The following ERICH6B variants were observed in gnomAD, a reference collection of about 807,000 sequenced individuals.
ERICH6B encodes the protein glutamate-rich protein 6B.
In ERICH6B, 69 loss-of-function variants were observed where a neutral mutation model predicts 80.0. That is an observed-to-expected ratio of 0.86 (90% CI 0.71 to 1.05). The LOEUF (loss-of-function observed/expected upper bound fraction) is 1.05, where lower values mean the gene tolerates loss of function less well. Among genes scored for constraint, ERICH6B ranks in the 50% least tolerant of loss-of-function variants. The pLI is 0.00. For missense variants in ERICH6B, 754 were observed against 796.1 expected, an observed-to-expected ratio of 0.95 and a Z score of 0.64; for synonymous variants, 283 against 291.9, an observed-to-expected ratio of 0.97 and a Z score of 0.31.
intron 2 of ERICH6B, among the ~76,000 whole-genome samples, chr13:45,602,448 G>T (rs1025089776): frequency 4.1e-4 from 63 of 152,164 alleles, no homozygotes; most frequent in African/African-American, 1.4e-3. Flanking sequence ...AGAAGTCCTC[G>T]GATTGAATCA....
At chr13:45,557,180 C>G (rs886513392) in intron 11 of ERICH6B, among the ~76,000 whole-genome samples, 2 of 152,150 alleles carry the variant, frequency 1.3e-5, no homozygotes, top group African/African-American at 4.8e-5. Flanking sequence ...TTGCATTTCC[C>G]TGATCACTAG....
chr13:45,544,898 G>C lies in ERICH6B; in HGVS notation c.1734C>G (p.Val578=). The C allele has an allele frequency of 6.4e-7, 1 of 1,551,738 alleles. No individual in the cohort carries two copies. Among genetic ancestry groups the C allele is most frequent in the Non-Finnish European group, 8.7e-7 (1 of 1,147,006 alleles). The stretch of plus-strand genomic sequence containing the variant: ...AGATGGGCTGGACAGGGGGTGCGTG[G>C]ACATGGATGTTCAGATTCCACCAGT... ...AWNWWNLNIH[V]HAPPVQPISL... The change falls in exon 14 of 15, where the codon GTC becomes GTG. Residue 578 remains valine, a synonymous_variant. Transcript: ENST00000298738.
At chr13:45,582,939 C>G (rs1332076171) in intron 5 of ERICH6B, among the ~76,000 whole-genome samples, 2 of 152,182 alleles carry the variant, frequency 1.3e-5, no homozygotes, top group Non-Finnish European at 2.9e-5. Context: ...TCATTTTGCT[C>G]TCAGTATTTA....
At chr13:45,601,321 C>T (rs961761628) in intron 2 of ERICH6B, among the ~76,000 whole-genome samples, 2 of 152,108 alleles carry the variant, frequency 1.3e-5, no homozygotes, top group East Asian at 1.9e-4. Context: ...GAGGCTGAAG[C>T]GGGAAGGATC....
At chr13:45,577,502 T>C (rs935856571) in intron 7 of ERICH6B, among the ~76,000 whole-genome samples, 4 of 152,102 alleles carry the variant, frequency 2.6e-5, no homozygotes, top group African/African-American at 9.7e-5. Context: ...CAGGATGCTC[T>C]CTACCTCTTG....
chr13:45,608,511 G>C (rs188392464), intron 1 of ERICH6B, among the ~76,000 whole-genome samples: 1 of 152,180 alleles, frequency 6.6e-6, no homozygotes, highest in African/African-American at 2.4e-5. Context: ...ACTGCCTTGA[G>C]AGAGAAATAC....
chr13:45,608,941 A>G (rs372897694), intron 1 of ERICH6B, among the ~76,000 whole-genome samples: 22 of 152,300 alleles, frequency 1.4e-4, no homozygotes, highest in African/African-American at 4.8e-4. Flanking sequence ...GGAGTCACCC[A>G]TGATTCCTCT....
chr13:45,583,776 T>C (rs3014926), intron 5 of ERICH6B, among the ~76,000 whole-genome samples: 75,667 of 152,042 alleles, frequency 0.5, 19,024 homozygotes, highest in Middle Eastern at 0.63. Context: ...CCATGTAAGA[T>C]GTGCCTTTCC....
chr13:45,577,274 A>ACCTTTTTT (rs1566295865), intron 7 of ERICH6B, among the ~76,000 whole-genome samples: 2 of 110,792 alleles, frequency 1.8e-5, no homozygotes, highest in African/African-American at 8.0e-5. Flanking sequence ...TTAAAAACAA[A>ACCTTTTTT]TCTTTTTTTT....
chr13:45,558,576 A>G (rs1874532442), intron 11 of ERICH6B, among the ~76,000 whole-genome samples: 1 of 152,218 alleles, frequency 6.6e-6, no homozygotes. Flanking sequence ...GATTTGTCAT[A>G]GATGGCTTTT....
chr13:45,552,662 A>G (rs530602559), intron 11 of ERICH6B, among the ~76,000 whole-genome samples: 6 of 152,138 alleles, frequency 3.9e-5, no homozygotes, highest in South Asian at 4.2e-4. Context: ...TAAGGCCTCA[A>G]AAAATATTGC....
chr13:45,575,540 A>G (rs929206939), intron 7 of ERICH6B, among the ~76,000 whole-genome samples: 3 of 152,000 alleles, frequency 2.0e-5, no homozygotes. Flanking sequence ...TCCGAGGGAG[A>G]CTCATTCCGA....
chr13:45,585,038 C>T (rs892648737), intron 5 of ERICH6B, among the ~76,000 whole-genome samples: 4 of 152,154 alleles, frequency 2.6e-5, no homozygotes, highest in Non-Finnish European at 4.4e-5. Flanking sequence ...TGTGGCCAGC[C>T]TGTGTTTTAC....
intron 14 of ERICH6B, among the ~76,000 whole-genome samples, chr13:45,542,277 T>C (rs1253361749): frequency 6.6e-5 from 10 of 152,200 alleles, no homozygotes; most frequent in Non-Finnish European, 1.5e-4. Flanking sequence ...CACAATATTG[T>C]TATTATTTTA....
intron 11 of ERICH6B, among the ~76,000 whole-genome samples, chr13:45,554,553 T>G (rs75779100): frequency 0.018 from 2,763 of 152,334 alleles, 78 homozygotes; most frequent in African/African-American, 0.063. Context: ...TCACTTGTCA[T>G]GTAATGAAAT....
chr13:45,541,678 A>G lies in ERICH6B; in HGVS notation c.1875T>C (p.Phe625=), dbSNP rs1327785954. The change falls in exon 15 of 15, where the codon TTT becomes TTC. Residue 625 remains phenylalanine, a splice_region_variant and synonymous_variant. Transcript: ENST00000298738. Reference sequence around the variant, plus strand: ...TTTCGCTCAGCACCTCTGGGATCACAAACTGTGGGGATTCACAGAGGACTG... The same window carrying G: ...TTTCGCTCAGCACCTCTGGGATCACGAACTGTGGGGATTCACAGAGGACTG... The part of the protein sequence containing the change: ...ICLNLGTRYK[F]VIPEVLSEMK... 4 of 1,549,908 alleles carry G rather than the reference A, an allele frequency of 2.6e-6. No individual in the cohort carries two copies. Among genetic ancestry groups the G allele is most frequent in the African/African-American group, 2.7e-5 (2 of 72,970 alleles).
At chr13:45,565,738 CTT>C (rs2137981622) in intron 9 of ERICH6B, among the ~76,000 whole-genome samples, 1 of 152,322 alleles carries the variant, frequency 6.6e-6, no homozygotes, top group South Asian at 2.1e-4. Context: ...CACTAAATCT[CTT>C]TCTTTTGTAA....
intron 13 of ERICH6B, 128 bp downstream of exon 13, chr13:45,549,765 G>T: frequency 9.4e-7 from 1 of 1,062,624 alleles, no homozygotes. Flanking sequence ...CCATCATGGT[G>T]CTCATTCTCC....
intron 2 of ERICH6B, among the ~76,000 whole-genome samples, chr13:45,604,373 G>A (rs1593328175): frequency 6.6e-6 from 1 of 152,142 alleles, no homozygotes; most frequent in Non-Finnish European, 1.5e-5. Context: ...AGAAAGCCCC[G>A]GGGATGCTGC....
Sources: gnomAD v4.1 joint callset for allele counts (sites outside exome capture counted in the v4.1 genomes callset) on GRCh38, gnomAD v4.1.1 for gene constraint, MANE v1.5 for transcripts, NCBI Gene and HGNC (gene_info 2026-07-23, HGNC 2026-07-21) for gene names.